The following XCR1 variants were observed in gnomAD, a reference collection of about 807,000 sequenced individuals.
XCR1 encodes X-C motif chemokine receptor 1, also known as chemokine XC receptor 1.
For missense variants in XCR1, 356 were observed against 424.2 expected, an observed-to-expected ratio of 0.84 and a Z score of 1.41; for synonymous variants, 187 against 188.5, an observed-to-expected ratio of 0.99 and a Z score of 0.06.
chr3:46,039,634 A>G (rs1211522676), intron 5 of XCR1, among the ~76,000 whole-genome samples: 1 of 152,150 alleles, frequency 6.6e-6, no homozygotes. Context: ...GAGCATTAAC[A>G]CCATTTGAAG....
chr3:46,026,257 C>T (rs187317918), intron 1 of XCR1, among the ~76,000 whole-genome samples: 1 of 152,166 alleles, frequency 6.6e-6, no homozygotes, highest in African/African-American at 2.4e-5. Context: ...GGCCTGGAAG[C>T]CTTTGGAGAT....
chr3:46,023,545 T>C lies in XCR1; in HGVS notation c.-31-1567A>G, dbSNP rs1334110373. 3.2e-6 allele frequency: 5 copies of C among 1,539,844 alleles called. No individual in the cohort carries two copies. The Admixed American group carries it at 5.1e-5, about 16-fold the overall frequency. ...GAAAAGGGCCCAGCGTGAGGAAAGA[T>C]TGAAAGCCTAGCAGAACACAGACAA... On this transcript the variant is annotated intron_variant, in intron 1 of 1. Transcript: ENST00000309285.
At chr3:46,059,762 A>T (rs1480334650) in intron 4 of XCR1, among the ~76,000 whole-genome samples, 3 of 152,208 alleles carry the variant, frequency 2.0e-5, no homozygotes, top group African/African-American at 7.2e-5. Context: ...ACCTTTATTG[A>T]GGTGTGTGTA....
At chr3:46,082,132 G>A (rs1358079405) in intron 1 of XCR1, among the ~76,000 whole-genome samples, 2 of 152,112 alleles carry the variant, frequency 1.3e-5, no homozygotes, top group Non-Finnish European at 2.9e-5. Context: ...TTTCATCATG[G>A]GAGATCTTAG....
chr3:46,047,541 G>T (rs1575423507), intron 5 of XCR1, among the ~76,000 whole-genome samples: 3 of 152,220 alleles, frequency 2.0e-5, no homozygotes, highest in Admixed American at 1.3e-4. Context: ...CTTTACAAAT[G>T]TAACATTAAG....
upstream of XCR1, among the ~76,000 whole-genome samples, chr3:46,028,100 C>T (rs1708332474): frequency 1.3e-5 from 2 of 152,206 alleles, no homozygotes; most frequent in African/African-American, 4.8e-5. Flanking sequence ...TAGCAACCCT[C>T]TTTTGGGTCC....
intron 5 of XCR1, among the ~76,000 whole-genome samples, chr3:46,032,587 C>G (rs1294427294): frequency 6.6e-6 from 1 of 152,206 alleles, no homozygotes; most frequent in Admixed American, 6.5e-5. Flanking sequence ...GCCCAGTGGG[C>G]CTGAGGAAAA....
intron 3 of XCR1, among the ~76,000 whole-genome samples, chr3:46,068,103 G>C (rs1698107400): frequency 1.3e-5 from 2 of 152,180 alleles, no homozygotes; most frequent in Non-Finnish European, 2.9e-5. Flanking sequence ...ATAGAGGGAG[G>C]CTGATAATTT....
At chr3:46,047,029 C>T (rs1223988484) in intron 5 of XCR1, among the ~76,000 whole-genome samples, 8 of 121,288 alleles carry the variant, frequency 6.6e-5, no homozygotes, top group Admixed American at 6.5e-4. Context: ...TGCTTTTCCC[C>T]TAACCATAGA....
intron 1 of XCR1, among the ~76,000 whole-genome samples, chr3:46,080,456 G>C (rs191075276): frequency 6.6e-6 from 1 of 152,070 alleles, no homozygotes; most frequent in Non-Finnish European, 1.5e-5. Flanking sequence ...CAGCTACTTG[G>C]GAGGCTGAGG....
chr3:46,039,861 T>A (rs1379627602), intron 5 of XCR1, among the ~76,000 whole-genome samples: 2 of 152,180 alleles, frequency 1.3e-5, no homozygotes, highest in Non-Finnish European at 2.9e-5. Flanking sequence ...GCAAGGCCAG[T>A]GTCTGGGCCA....
At chr3:46,035,901 G>T (rs1486369148) in intron 5 of XCR1, among the ~76,000 whole-genome samples, 2 of 152,060 alleles carry the variant, frequency 1.3e-5, no homozygotes, top group Non-Finnish European at 2.9e-5. Flanking sequence ...AGCAGGATGT[G>T]CTCCTCTCAA....
chr3:46,071,323 C>CT (rs901402288), intron 3 of XCR1, among the ~76,000 whole-genome samples: 6 of 151,518 alleles, frequency 4.0e-5, no homozygotes, highest in East Asian at 1.9e-4. Flanking sequence ...GCCCAGGTGG[C>CT]TTTTTTTTAA....
intron 5 of XCR1, among the ~76,000 whole-genome samples, chr3:46,032,821 T>C (rs1204561501): frequency 6.6e-6 from 1 of 152,228 alleles, no homozygotes. Context: ...ATGTATCCAT[T>C]CTAATACGTG....
In XCR1 at chr3:46,020,803, G is replaced by T; in HGVS notation, c.*143C>A. 8.4e-7 allele frequency: 1 copy of T among 1,192,816 alleles called. No homozygotes were observed. Among genetic ancestry groups the T allele is most frequent in the Non-Finnish European group, 1.1e-6 (1 of 880,152 alleles). The allele number at this position is 1,192,816 out of a possible 1,614,324, so 73.9% of individuals were successfully genotyped here. ...GGCTGGCGGGACCCACTGGTGTAAT[G>T]AATGACCTTCACTGCACGCCTGCAG... On this transcript the variant is annotated 3_prime_UTR_variant, in exon 2 of 2. Coordinates refer to ENST00000309285, the MANE Select transcript of XCR1 (RefSeq NM_001024644.2).
intron 1 of XCR1, among the ~76,000 whole-genome samples, chr3:46,078,461 G>A (rs530435533): frequency 2.6e-5 from 4 of 152,246 alleles, no homozygotes; most frequent in Admixed American, 6.5e-5. Context: ...TATGTTTTCC[G>A]ATCCTCCCTT....
Position 46,054,593 on chromosome 3 carries a change from G to C in XCR1, c.-182-523C>G, listed in dbSNP as rs1697818497. Among the ~76,000 whole-genome samples, 4 of 152,192 alleles carry C rather than the reference G, an allele frequency of 2.6e-5. No individual in the cohort carries two copies. The South Asian group carries it at 8.3e-4, about 32-fold the overall frequency. On this transcript the variant is annotated intron_variant, in intron 4 of 5. Transcript: ENST00000683768. ...GATTACTGTTACCGAAACACCAGGG[G>C]TTTGGTGTAGGTACTGCTGCTGGCT...
At chr3:46,062,569 AG>A (rs1385356790) in intron 4 of XCR1, among the ~76,000 whole-genome samples, 1 of 152,154 alleles carries the variant, frequency 6.6e-6, no homozygotes, top group Non-Finnish European at 1.5e-5. Context: ...CTCTGTCTAA[AG>A]GCTCTCCCTG....
At chr3:46,042,137 C>A (rs1317748134) in intron 5 of XCR1, among the ~76,000 whole-genome samples, 1 of 152,112 alleles carries the variant, frequency 6.6e-6, no homozygotes, top group Admixed American at 6.6e-5. Context: ...AAAAGAAAAA[C>A]GCATGTCAAA....
Sources: allele counts gnomAD v4.1 joint callset (sites outside exome capture counted in the v4.1 genomes callset), GRCh38; gene constraint gnomAD v4.1.1; transcripts MANE v1.5; gene names NCBI Gene and HGNC (gene_info 2026-07-23, HGNC 2026-07-21).